The following TFEC variants were observed in gnomAD, a reference collection of about 807,000 sequenced individuals.
TFEC encodes class E basic helix-loop-helix protein 34.
TFEC carries 31 observed loss-of-function variants against 41.6 expected under a neutral mutation model. The observed-to-expected ratio is 0.74, with a 90% CI of 0.56 to 1.01. The LOEUF (loss-of-function observed/expected upper bound fraction) is 1.01. Ranked by LOEUF, TFEC falls within the 50% of genes least tolerant of loss-of-function variation. TFEC has a pLI of 0.00. For missense variants in TFEC, 402 were observed against 404.1 expected (o/e 0.99, Z 0.04); for synonymous variants, 143 against 140.6 (o/e 1.02, Z -0.12).
At chr7:116,101,241 G>A (rs1797598722) in intron 3 of TFEC, among the ~76,000 whole-genome samples, 2 of 146,648 alleles carry the variant, frequency 1.4e-5, no homozygotes, top group South Asian at 4.3e-4. Flanking sequence ...TAAGAGGATG[G>A]ACACAAAGAC....
At chr7:116,026,249 C>A (rs1221846829) in intron 1 of TFEC, among the ~76,000 whole-genome samples, 1 of 152,214 alleles carries the variant, frequency 6.6e-6, no homozygotes, top group Non-Finnish European at 1.5e-5. Flanking sequence ...GCTAGTCTTT[C>A]GATCCACTGG....
rs115850138 is a variant in TFEC at position 116,141,780 on chromosome 7, G to A, written c.-69+18010C>T. Among the ~76,000 whole-genome samples, 668 of 152,278 alleles carry A rather than the reference G, an allele frequency of 4.4e-3. 4 individuals are homozygous for A. Among genetic ancestry groups the A allele is most frequent in the African/African-American group, 0.015 (636 of 41,568 alleles). Reference sequence around the variant, plus strand: ...GATTTTTAGGGAGGGCTCAAAGAAGGACTTAGCTATAGACTGAATGTTATC... The same window carrying A: ...GATTTTTAGGGAGGGCTCAAAGAAGAACTTAGCTATAGACTGAATGTTATC... On this transcript the variant is annotated intron_variant, in intron 1 of 8. Transcript: ENST00000484212.
chr7:116,088,067 T>G (rs758359975), intron 3 of TFEC, among the ~76,000 whole-genome samples: 1 of 152,138 alleles, frequency 6.6e-6, no homozygotes, highest in Non-Finnish European at 1.5e-5. Context: ...TTTGCTGTCA[T>G]GATTCTCATG....
At chr7:116,063,365 C>T (rs1382502410) in intron 3 of TFEC, among the ~76,000 whole-genome samples, 2 of 152,102 alleles carry the variant, frequency 1.3e-5, no homozygotes, top group African/African-American at 4.8e-5. Context: ...GCCTGTAATC[C>T]CAGCACTTTG....
intron 3 of TFEC, among the ~76,000 whole-genome samples, chr7:115,961,598 A>T (rs1324092513): frequency 6.6e-6 from 1 of 151,702 alleles, no homozygotes; most frequent in Non-Finnish European, 1.5e-5. Context: ...ATAGATTCAT[A>T]AACCAAAGCT....
chr7:116,150,403 A>T (rs1798735967), intron 1 of TFEC, among the ~76,000 whole-genome samples: 1 of 152,214 alleles, frequency 6.6e-6, no homozygotes, highest in East Asian at 1.9e-4. Flanking sequence ...CAGGGAATAA[A>T]TTGCATTAGA....
At chr7:116,010,259 T>C (rs1490091673) in intron 1 of TFEC, among the ~76,000 whole-genome samples, 1 of 152,150 alleles carries the variant, frequency 6.6e-6, no homozygotes, top group Non-Finnish European at 1.5e-5. Context: ...AAAAGTTTAT[T>C]CAGATAAATG....
At position 115,988,394 on chromosome 7, in the gene TFEC, T is replaced by C. The variant is rs534336834; in HGVS notation, c.-72-3881A>G. ...TTCCAAGAAAAAAAACAAAAAGGAA[T>C]ACAAAAATCAAAAACACTGTAGAGA... is the stretch of plus-strand genomic sequence containing the variant. On this transcript the variant is annotated intron_variant, in intron 1 of 7. Transcript: ENST00000265440. Among the ~76,000 whole-genome samples, 139 of 151,882 alleles carry C rather than the reference T, an allele frequency of 9.2e-4. 1 individual carries two copies. Among genetic ancestry groups the C allele is most frequent in the African/African-American group, 3.1e-3 (129 of 41,450 alleles).
intron 1 of TFEC, among the ~76,000 whole-genome samples, chr7:116,025,363 G>A (rs919874313): frequency 1.3e-5 from 2 of 151,872 alleles, no homozygotes; most frequent in African/African-American, 4.8e-5. Context: ...GGCCTCAAAG[G>A]AAAAAGGAGA....
chr7:115,952,515 A>C (rs1792001297), intron 5 of TFEC, among the ~76,000 whole-genome samples: 1 of 152,038 alleles, frequency 6.6e-6, no homozygotes, highest in African/African-American at 2.4e-5. Context: ...TTTTTCTCAA[A>C]ATAAGGGACT....
intron 3 of TFEC, among the ~76,000 whole-genome samples, chr7:116,058,187 C>A (rs572191292): frequency 6.6e-6 from 1 of 151,588 alleles, no homozygotes; most frequent in African/African-American, 2.4e-5. Flanking sequence ...TGAAATGATG[C>A]AAAAATTATA....
chr7:116,077,778 C>A (rs951612233), intron 3 of TFEC, among the ~76,000 whole-genome samples: 1 of 151,924 alleles, frequency 6.6e-6, no homozygotes, highest in Non-Finnish European at 1.5e-5. Flanking sequence ...ATTTATAGAA[C>A]AATTACTGCT....
intron 3 of TFEC, among the ~76,000 whole-genome samples, chr7:116,094,674 C>T (rs1043359946): frequency 1.3e-5 from 2 of 152,000 alleles, no homozygotes; most frequent in Non-Finnish European, 2.9e-5. Flanking sequence ...AGAAAGACTC[C>T]GTTTCAAACA....
intron 1 of TFEC, among the ~76,000 whole-genome samples, chr7:116,114,238 C>G (rs1359836230): frequency 6.6e-6 from 1 of 151,886 alleles, no homozygotes; most frequent in Non-Finnish European, 1.5e-5. Context: ...GAAAAACACA[C>G]AATATTTCAT....
chr7:116,068,338 C>T (rs959908468), intron 3 of TFEC, among the ~76,000 whole-genome samples: 8 of 151,736 alleles, frequency 5.3e-5, no homozygotes, highest in African/African-American at 1.9e-4. Context: ...TTAAGTATTA[C>T]ATTGAGTGCA....
chr7:116,159,772 A>G (rs1798938424), intron 1 of TFEC: 1 of 152,150 alleles, frequency 6.6e-6, no homozygotes, highest in African/African-American at 2.4e-5. Flanking sequence ...CAATTAAATA[A>G]TTCAGAGGAA....
At chr7:115,953,161 G>C (rs75296323) in intron 5 of TFEC, among the ~76,000 whole-genome samples, 1 of 151,952 alleles carries the variant, frequency 6.6e-6, no homozygotes, top group East Asian at 1.9e-4. Flanking sequence ...TGGAATAGGG[G>C]GTGCAGAAAG....
intron 3 of TFEC, among the ~76,000 whole-genome samples, chr7:116,098,113 T>C (rs140045819): frequency 4.9e-4 from 75 of 152,250 alleles, no homozygotes; most frequent in African/African-American, 1.7e-3. Context: ...CATGATAATA[T>C]AAGCAAATTG....
At chr7:116,099,489 T>C (rs1797554895) in intron 3 of TFEC, among the ~76,000 whole-genome samples, 2 of 152,194 alleles carry the variant, frequency 1.3e-5, no homozygotes, top group South Asian at 2.1e-4. Flanking sequence ...AGGGACAACA[T>C]ACAAGTAGAA....
Sources: gnomAD v4.1 joint callset for allele counts (sites outside exome capture counted in the v4.1 genomes callset) on GRCh38, gnomAD v4.1.1 for gene constraint, MANE v1.5 for transcripts, NCBI Gene and HGNC (gene_info 2026-07-23, HGNC 2026-07-21) for gene names.